SOX5: variants seen among roughly 807,000 people sequenced by gnomAD.
SOX5 encodes SRY-box transcription factor 5.
Under a neutral mutation model 92.0 loss-of-function variants are expected in SOX5, and 9 were observed. The observed-to-expected ratio is 0.10, with a 90% CI of 0.06 to 0.17. The LOEUF (loss-of-function observed/expected upper bound fraction) is 0.17, where lower values mean the gene tolerates loss of function less well. SOX5 is among the 10% of genes least tolerant of loss of function. The pLI is 1.00. For synonymous variants in SOX5, 344 were observed against 336.3 expected (o/e 1.02, Z -0.25); for missense variants, 642 against 944.5 (o/e 0.68, Z 4.20).
intron 1 of SOX5, among the ~76,000 whole-genome samples, chr12:24,419,729 C>T (rs982069366): frequency 2.0e-5 from 3 of 152,136 alleles, no homozygotes; most frequent in Non-Finnish European, 4.4e-5. Context: ...AGAATGTATA[C>T]ATTTACATAA....
rs1402565895 is a variant in SOX5, at chr12:23,557,171, T to TTTAC, written c.1488+6083_1488+6086dup. ...AAGTGCCAGACAAACAAAACTAACCTTTACTTACAATCAGCCTATATAGTC... is the reference window on the plus strand; with the variant it reads ...AAGTGCCAGACAAACAAAACTAACCTTTACTTACTTACAATCAGCCTATATAGTC... On this transcript the variant is annotated intron_variant, in intron 11 of 14. Transcript: ENST00000451604. Among the ~76,000 whole-genome samples, 4 of 152,206 alleles carry TTTAC rather than the reference T, an allele frequency of 2.6e-5. No individual in the cohort carries two copies. The East Asian group carries it at 7.7e-4, about 29-fold the overall frequency.
intron 4 of SOX5, among the ~76,000 whole-genome samples, chr12:24,015,692 C>G (rs1953509528): frequency 6.6e-6 from 1 of 152,148 alleles, no homozygotes; most frequent in African/African-American, 2.4e-5. Flanking sequence ...ATTTACAATA[C>G]AATGCAATAA....
intron 4 of SOX5, among the ~76,000 whole-genome samples, chr12:24,177,219 GAGGAA>G (rs1954921012): frequency 6.6e-6 from 1 of 152,028 alleles, no homozygotes; most frequent in Non-Finnish European, 1.5e-5. Context: ...TTTTTTAGCT[GAGGAA>G]ACTGAAGAAA....
chr12:24,417,722 A>T (rs973848400), intron 1 of SOX5, among the ~76,000 whole-genome samples: 1 of 152,206 alleles, frequency 6.6e-6, no homozygotes, highest in African/African-American at 2.4e-5. Flanking sequence ...GAGCAGGAAT[A>T]ATCTGGAAGC....
intron 1 of SOX5, among the ~76,000 whole-genome samples, chr12:24,557,557 C>G (rs1566465501): frequency 6.6e-6 from 1 of 152,110 alleles, no homozygotes; most frequent in South Asian, 2.1e-4. Flanking sequence ...CCTGAATTCC[C>G]TCACTTCCAA....
intron 1 of SOX5, among the ~76,000 whole-genome samples, chr12:24,475,685 T>C (rs964073766): frequency 1.3e-5 from 2 of 152,078 alleles, no homozygotes; most frequent in Non-Finnish European, 2.9e-5. Context: ...TAAACTTTAA[T>C]TAGAAGCAGA....
At chr12:24,477,999 A>G (rs1267678365) in intron 1 of SOX5, among the ~76,000 whole-genome samples, 1 of 152,198 alleles carries the variant, frequency 6.6e-6, no homozygotes, top group African/African-American at 2.4e-5. Context: ...CAGAACAGCA[A>G]AAACTTTCCA....
chr12:24,162,787 C>T (rs1952909870), intron 4 of SOX5, among the ~76,000 whole-genome samples: 1 of 152,046 alleles, frequency 6.6e-6, no homozygotes, highest in Admixed American at 6.6e-5. Flanking sequence ...GAATCTTTAA[C>T]AACAAACATA....
At chr12:24,344,614 C>T (rs887081534) in intron 2 of SOX5, among the ~76,000 whole-genome samples, 1 of 152,134 alleles carries the variant, frequency 6.6e-6, no homozygotes, top group Admixed American at 6.5e-5. Flanking sequence ...GACTATCGTT[C>T]TCACCAGTGA....
chr12:24,316,034 A>G (rs566261836), intron 2 of SOX5, among the ~76,000 whole-genome samples: 2 of 152,340 alleles, frequency 1.3e-5, no homozygotes, highest in South Asian at 4.1e-4. Flanking sequence ...AGCTACCTCA[A>G]AAGCTCTGTA....
At chr12:23,855,945 G>A (rs1189701042) in intron 2 of SOX5, among the ~76,000 whole-genome samples, 1 of 152,094 alleles carries the variant, frequency 6.6e-6, no homozygotes, top group Non-Finnish European at 1.5e-5. Context: ...TCTCAATAGA[G>A]AACTATGTTT....
At chr12:24,307,079 C>CA (rs925213644) in intron 2 of SOX5, among the ~76,000 whole-genome samples, 9 of 150,952 alleles carry the variant, frequency 6.0e-5, no homozygotes, top group South Asian at 2.1e-4. Context: ...CAAAAATTAC[C>CA]AAAAAAAAAT....
chr12:23,564,081 T>C (rs1266888993), intron 10 of SOX5, among the ~76,000 whole-genome samples: 1 of 152,188 alleles, frequency 6.6e-6, no homozygotes, highest in Non-Finnish European at 1.5e-5. Flanking sequence ...CTCTTGACTA[T>C]AGTCACACTT....
intron 1 of SOX5, among the ~76,000 whole-genome samples, chr12:24,376,051 T>G (rs1957231877): frequency 6.6e-6 from 1 of 152,226 alleles, no homozygotes; most frequent in Admixed American, 6.5e-5. Flanking sequence ...TTCTACGCAC[T>G]GCCAGCCTGA....
At chr12:24,017,654 G>T (rs563817785) in intron 4 of SOX5, among the ~76,000 whole-genome samples, 100 of 151,844 alleles carry the variant, frequency 6.6e-4, no homozygotes, top group African/African-American at 2.3e-3. Flanking sequence ...AAAAAGAAAA[G>T]AAAAGAATGC....
chr12:24,282,225 G>C (rs1945294553), intron 2 of SOX5, among the ~76,000 whole-genome samples: 1 of 152,126 alleles, frequency 6.6e-6, no homozygotes, highest in Admixed American at 6.6e-5. Context: ...GAAATAAAGG[G>C]AGGGATAGCA....
intron 1 of SOX5, among the ~76,000 whole-genome samples, chr12:24,556,138 T>C (rs912854676): frequency 2.0e-5 from 3 of 152,200 alleles, no homozygotes; most frequent in Admixed American, 6.5e-5. Context: ...CAAACTTGCC[T>C]CATAGTCAAA....
intron 1 of SOX5, among the ~76,000 whole-genome samples, chr12:24,389,372 T>G (rs532973611): frequency 1.1e-4 from 16 of 152,302 alleles, no homozygotes; most frequent in African/African-American, 3.9e-4. Context: ...GACATTTGGG[T>G]TGGTTCCAAG....
chr12:24,259,748 GGGTGAT>G (rs1941807697), intron 3 of SOX5, among the ~76,000 whole-genome samples: 1 of 152,154 alleles, frequency 6.6e-6, no homozygotes, highest in African/African-American at 2.4e-5. Context: ...CATTCAAGTT[GGGTGAT>G]GATCTATAAA....
Sources: allele counts gnomAD v4.1 joint callset (sites outside exome capture counted in the v4.1 genomes callset), GRCh38; gene constraint gnomAD v4.1.1; transcripts MANE v1.5; gene names NCBI Gene and HGNC (gene_info 2026-07-23, HGNC 2026-07-21).